XKR4: variants seen among roughly 807,000 people sequenced by gnomAD.
The protein encoded by XKR4 is XK related 4.
In XKR4, 12 loss-of-function variants were observed where a neutral mutation model predicts 53.9. The observed-to-expected ratio is 0.22, with a 90% CI of 0.14 to 0.36. The LOEUF is 0.36. Among genes scored for constraint, XKR4 ranks in the 10% least tolerant of loss-of-function variants. XKR4 has a pLI of 1.00. For synonymous variants in XKR4, 354 were observed against 362.4 expected (o/e 0.98, Z 0.26); for missense variants, 799 against 859.5 (o/e 0.93, Z 0.88).
intron 1 of XKR4, among the ~76,000 whole-genome samples, chr8:55,179,139 A>T (rs1037263550): frequency 1.3e-5 from 2 of 152,214 alleles, no homozygotes; most frequent in Admixed American, 6.5e-5. Flanking sequence ...ATCAAAGTTT[A>T]CTAGTAGAAA....
chr8:55,419,700 G>A (rs755811045), intron 2 of XKR4, among the ~76,000 whole-genome samples: 4 of 152,172 alleles, frequency 2.6e-5, no homozygotes, highest in Non-Finnish European at 1.5e-5. Context: ...TTCCTCAGCA[G>A]TGTCCAGATT....
intron 2 of XKR4, among the ~76,000 whole-genome samples, chr8:55,460,068 T>C (rs1451290895): frequency 6.8e-6 from 1 of 147,712 alleles, no homozygotes; most frequent in Non-Finnish European, 1.5e-5. Flanking sequence ...AAATATAGTA[T>C]ATTTATACAA....
chr8:55,437,954 CA>C (rs201207328), intron 2 of XKR4, among the ~76,000 whole-genome samples: 16,597 of 127,458 alleles, frequency 0.13, 1,462 homozygotes, highest in East Asian at 0.4. Context: ...AACAAACAAA[CA>C]AAAAAAAAAA....
At chr8:55,310,210 T>C (rs1368556512) in intron 1 of XKR4, among the ~76,000 whole-genome samples, 1 of 152,220 alleles carries the variant, frequency 6.6e-6, no homozygotes, top group Non-Finnish European at 1.5e-5. Flanking sequence ...TGGAGTGATT[T>C]AAAATAATGC....
intron 1 of XKR4, among the ~76,000 whole-genome samples, chr8:55,311,857 GA>G (rs1380737346): frequency 8.7e-6 from 1 of 114,424 alleles, no homozygotes. Flanking sequence ...AAAAAGAAAA[GA>G]AAAAGAAAAG....
intron 2 of XKR4, among the ~76,000 whole-genome samples, chr8:55,506,032 T>A (rs992252451): frequency 2.0e-5 from 3 of 152,234 alleles, no homozygotes; most frequent in African/African-American, 7.2e-5. Flanking sequence ...TGTGTGCAAA[T>A]GCTTTAACTT....
Position 55,523,970 on chromosome 8 carries a change from C to G in XKR4, c.1696C>G (p.Arg566Gly). ...VSDRDQKFAE[R>G]DGCVPVFQVR... ...CGACCGCGATCAGAAATTCGCAGAG[C>G]GGGATGGGTGTGTACCTGTCTTTCA... The change falls in exon 3 of 3, where the codon CGG becomes GGG. Residue 566 changes from arginine to glycine, a missense_variant. Arg to Gly is a moderately radical substitution (Grantham distance 125). Coordinates refer to ENST00000327381, the MANE Select transcript of XKR4 (RefSeq NM_052898.2). The G allele has an allele frequency of 1.2e-6, 2 of 1,614,150 alleles. No homozygotes were observed. The highest frequency in any genetic ancestry group is 1.7e-6 in the Non-Finnish European group (2 of 1,180,022).
At chr8:55,512,507 T>G (rs1484530470) in intron 2 of XKR4, among the ~76,000 whole-genome samples, 1 of 152,192 alleles carries the variant, frequency 6.6e-6, no homozygotes, top group African/African-American at 2.4e-5. Flanking sequence ...GGACCAAGCC[T>G]TAGTACACGG....
At chr8:55,337,532 C>G (rs550129315) in intron 1 of XKR4, among the ~76,000 whole-genome samples, 1 of 152,158 alleles carries the variant, frequency 6.6e-6, no homozygotes, top group South Asian at 2.1e-4. Context: ...CCAGTTTATG[C>G]CTGGGAAGGG....
chr8:55,118,166 G>A (rs1470179476), intron 1 of XKR4, among the ~76,000 whole-genome samples: 1 of 152,138 alleles, frequency 6.6e-6, no homozygotes, highest in Admixed American at 6.6e-5. Flanking sequence ...TTTCAAACAC[G>A]GAGACTATAG....
chr8:55,413,711 G>C (rs1406582851), intron 2 of XKR4, among the ~76,000 whole-genome samples: 1 of 152,166 alleles, frequency 6.6e-6, no homozygotes, highest in Admixed American at 6.5e-5. Context: ...TAACCAGAGA[G>C]ATGCATTTTG....
At chr8:55,517,479 G>C (rs1320606834) in intron 2 of XKR4, 5 of 152,150 alleles carry the variant, frequency 3.3e-5, no homozygotes, top group African/African-American at 9.7e-5. Context: ...TAGGACCAAT[G>C]CAGGGTGTTA....
At chr8:55,148,294 A>G (rs993080977) in intron 1 of XKR4, among the ~76,000 whole-genome samples, 37 of 152,166 alleles carry the variant, frequency 2.4e-4, no homozygotes, top group Non-Finnish European at 1.8e-4. Flanking sequence ...AGTCCCAGCT[A>G]CTTGGGAGGC....
intron 2 of XKR4, among the ~76,000 whole-genome samples, chr8:55,363,172 A>T (rs1173715033): frequency 6.6e-6 from 1 of 152,022 alleles, no homozygotes; most frequent in Non-Finnish European, 1.5e-5. Flanking sequence ...GGAAAATCTC[A>T]TCCTACACCC....
At chr8:55,199,977 G>T (rs1465542854) in intron 1 of XKR4, among the ~76,000 whole-genome samples, 3 of 152,202 alleles carry the variant, frequency 2.0e-5, no homozygotes, top group Admixed American at 1.3e-4. Flanking sequence ...GAACCTTGTA[G>T]CAGTTATAAC....
chr8:55,233,052 G>C (rs1157701851), intron 1 of XKR4, among the ~76,000 whole-genome samples: 1 of 152,194 alleles, frequency 6.6e-6, no homozygotes, highest in Non-Finnish European at 1.5e-5. Flanking sequence ...GGTATCTGGA[G>C]GGCTGGATGA....
chr8:55,148,382 G>A (rs890132837), intron 1 of XKR4, among the ~76,000 whole-genome samples: 1 of 151,884 alleles, frequency 6.6e-6, no homozygotes, highest in Non-Finnish European at 1.5e-5. Flanking sequence ...TCCAGTGTGG[G>A]TAACAGAGGA....
At chr8:55,231,667 A>G (rs1818043452) in intron 1 of XKR4, among the ~76,000 whole-genome samples, 1 of 152,150 alleles carries the variant, frequency 6.6e-6, no homozygotes, top group South Asian at 2.1e-4. Context: ...GGGATGTTTA[A>G]TCTTGGCAGA....
intron 1 of XKR4, among the ~76,000 whole-genome samples, chr8:55,222,846 A>T (rs191782712): frequency 0.013 from 1,938 of 149,340 alleles, 42 homozygotes; most frequent in African/African-American, 0.046. Context: ...TTTTTTTTTT[A>T]AAGAATATAA....
Sources: gnomAD v4.1 joint callset for allele counts (sites outside exome capture counted in the v4.1 genomes callset) on GRCh38, gnomAD v4.1.1 for gene constraint, MANE v1.5 for transcripts, NCBI Gene and HGNC (gene_info 2026-07-23, HGNC 2026-07-21) for gene names.